SHLD2: variants seen among roughly 807,000 people sequenced by gnomAD.
SHLD2 encodes RINN1-REV7-interacting novel NHEJ regulator 2.
Under a neutral mutation model 73.2 loss-of-function variants are expected in SHLD2, and 30 were observed. The ratio of observed to expected loss-of-function variants is 0.41; its 90% CI spans 0.31 to 0.56. The LOEUF is 0.56. SHLD2 is among the 20% of genes least tolerant of loss of function. The probability of loss-of-function intolerance (pLI) is 0.28; values close to 1 mark genes in which losing one functional copy is unlikely to be tolerated. For synonymous variants in SHLD2, 285 were observed against 370.1 expected (o/e 0.77, Z 2.64); for missense variants, 745 against 1,055.9 (o/e 0.71, Z 4.08).
chr10:87,117,141 C>T (rs555854683), intron 2 of SHLD2, among the ~76,000 whole-genome samples: 5 of 152,270 alleles, frequency 3.3e-5, no homozygotes, highest in South Asian at 2.1e-4. Flanking sequence ...TAGCTGCGGC[C>T]GGGCAAGGTG....
chr10:87,185,576 T>A (rs1848568140), intron 8 of SHLD2, among the ~76,000 whole-genome samples: 1 of 152,204 alleles, frequency 6.6e-6, no homozygotes, highest in South Asian at 2.1e-4. Context: ...TGCCAGTACT[T>A]CTTATTCTGT....
chr10:87,160,191 A>G, intron 4 of SHLD2, among the ~76,000 whole-genome samples: 1 of 152,048 alleles, frequency 6.6e-6, no homozygotes, highest in Non-Finnish European at 1.5e-5. Flanking sequence ...TTCAGTATCA[A>G]TAAATATAGT....
intron 4 of SHLD2, among the ~76,000 whole-genome samples, chr10:87,160,622 A>T (rs1432349731): frequency 6.6e-6 from 1 of 152,114 alleles, no homozygotes; most frequent in Non-Finnish European, 1.5e-5. Flanking sequence ...AAAACCAGGA[A>T]AAAGATAAGG....
chr10:87,120,784 T>A (rs1254166001), intron 2 of SHLD2, among the ~76,000 whole-genome samples: 4 of 151,868 alleles, frequency 2.6e-5, no homozygotes, highest in African/African-American at 9.7e-5. Flanking sequence ...CCGGGTGCGG[T>A]GGCTCACGCC....
At chr10:87,123,569 G>A (rs1430243894) in intron 2 of SHLD2, among the ~76,000 whole-genome samples, 4 of 152,142 alleles carry the variant, frequency 2.6e-5, no homozygotes, top group Non-Finnish European at 4.4e-5. Flanking sequence ...AAGTACATTC[G>A]CATTGTTATG....
Position 87,151,437 on chromosome 10 carries a change from C to A in SHLD2, c.83C>A (p.Ser28Tyr). ...LKITVSEDTASLMSVADPWKK... is the reference protein window; with the variant it reads ...LKITVSEDTAYLMSVADPWKK... Reference sequence around the variant, plus strand: ...ATCACAGTATCAGAAGACACAGCTTCTTTAATGTCTGTTGCTGACCCCTGG... The same window carrying A: ...ATCACAGTATCAGAAGACACAGCTTATTTAATGTCTGTTGCTGACCCCTGG... Residue 28 changes from serine (S) to tyrosine (Y), a missense_variant, in exon 3 of 10, where the codon TCT becomes TAT. Coordinates refer to ENST00000298786, the MANE Select transcript of SHLD2 (RefSeq NM_001330112.2). 6.2e-7 allele frequency: 1 copy of A among 1,609,120 alleles called. No individual in the cohort carries two copies. The highest frequency in any genetic ancestry group is 8.5e-7 in the Non-Finnish European group (1 of 1,179,004).
At chr10:87,185,261 C>T (rs942849791) in intron 8 of SHLD2, among the ~76,000 whole-genome samples, 28 of 152,262 alleles carry the variant, frequency 1.8e-4, no homozygotes, top group African/African-American at 6.5e-4. Flanking sequence ...CTTTTTATTG[C>T]AAAATAATAT....
At chr10:87,142,620 G>A (rs1845274871) in intron 2 of SHLD2, among the ~76,000 whole-genome samples, 1 of 152,144 alleles carries the variant, frequency 6.6e-6, no homozygotes, top group South Asian at 2.1e-4. Context: ...TGAGAAATTG[G>A]AAGTAGAGCA....
intron 4 of SHLD2, among the ~76,000 whole-genome samples, chr10:87,164,280 T>G (rs192693823): frequency 3.4e-5 from 5 of 149,050 alleles, no homozygotes; most frequent in Non-Finnish European, 7.4e-5. Context: ...TGAGACAGGG[T>G]CTGGCTCTGT....
chr10:87,134,232 C>G (rs1339899664), intron 2 of SHLD2, among the ~76,000 whole-genome samples: 1 of 152,046 alleles, frequency 6.6e-6, no homozygotes, highest in South Asian at 2.1e-4. Context: ...CCTATAAAAG[C>G]AGGATAAGAA....
chr10:87,130,564 C>G (rs1390639042), intron 2 of SHLD2, among the ~76,000 whole-genome samples: 4 of 152,008 alleles, frequency 2.6e-5, no homozygotes, highest in African/African-American at 9.7e-5. Context: ...TTGAGCGTTT[C>G]CTAAGGAGCT....
At chr10:87,155,618 G>A (rs998039974) in intron 3 of SHLD2, among the ~76,000 whole-genome samples, 1 of 151,560 alleles carries the variant, frequency 6.6e-6, no homozygotes, top group Non-Finnish European at 1.5e-5. Context: ...GACTGTAAAA[G>A]AGGGCTGGAT....
At chr10:87,125,686 G>A (rs1346825798) in intron 2 of SHLD2, among the ~76,000 whole-genome samples, 1 of 152,080 alleles carries the variant, frequency 6.6e-6, no homozygotes, top group Non-Finnish European at 1.5e-5. Context: ...GCAGTGAGTT[G>A]AGAATGCGCC....
In SHLD2 at chr10:87,151,694, G is replaced by T. The variant is rs768018782; in HGVS notation, c.340G>T (p.Asp114Tyr). The T allele has an allele frequency of 4.3e-6, 7 of 1,611,728 alleles. No homozygotes were observed. The Admixed American group carries it at 1.0e-4, about 23-fold the overall frequency. ...SQKIHSSRLS[D>Y]ITSSNMQICG... Reference sequence around the variant, plus strand: ...GAAGATTCACTCCTCTAGACTGAGTGATATAACTAGCTCTAATATGCAAAT... The same window carrying T: ...GAAGATTCACTCCTCTAGACTGAGTTATATAACTAGCTCTAATATGCAAAT... The change falls in exon 3 of 10, where the codon GAT becomes TAT. Residue 114 changes from aspartate to tyrosine, a missense_variant. Around this residue, in one of 5 missense-constraint regions of SHLD2, gnomAD observed 280 missense variants for 353.9 expected, o/e 0.79. Coordinates refer to ENST00000298786, the MANE Select transcript of SHLD2 (RefSeq NM_001330112.2).
At chr10:87,182,291 CT>C (rs1372136545) in intron 8 of SHLD2, among the ~76,000 whole-genome samples, 2 of 152,188 alleles carry the variant, frequency 1.3e-5, no homozygotes, top group African/African-American at 4.8e-5. Context: ...CACATATGTA[CT>C]GTGGATGTTA....
intron 2 of SHLD2, among the ~76,000 whole-genome samples, chr10:87,097,299 G>A (rs538209448): frequency 1.3e-5 from 2 of 152,294 alleles, no homozygotes; most frequent in East Asian, 3.9e-4. Context: ...GGTGGCTCAC[G>A]CCTGTAATCC....
At chr10:87,103,418 G>A (rs958662327) in intron 2 of SHLD2, among the ~76,000 whole-genome samples, 2 of 152,068 alleles carry the variant, frequency 1.3e-5, no homozygotes, top group African/African-American at 2.4e-5. Flanking sequence ...GGTGGCATGC[G>A]CTTTGGTTCA....
intron 9 of SHLD2, among the ~76,000 whole-genome samples, chr10:87,188,385 C>G (rs1481572724): frequency 1.3e-5 from 2 of 152,060 alleles, no homozygotes; most frequent in African/African-American, 4.8e-5. Context: ...GTACTGGTTC[C>G]TCACCTGTAC....
chr10:87,147,333 A>AT (rs1845699522), intron 2 of SHLD2, among the ~76,000 whole-genome samples: 1 of 150,032 alleles, frequency 6.7e-6, no homozygotes, highest in Non-Finnish European at 1.5e-5. Flanking sequence ...GGTGTGTGGA[A>AT]TGGAAAGAGG....
Sources: gnomAD v4.1 joint callset for allele counts (sites outside exome capture counted in the v4.1 genomes callset) on GRCh38, gnomAD v4.1.1 for gene constraint, gnomAD v4.1.1 regional missense constraint, MANE v1.5 for transcripts, NCBI Gene and HGNC (gene_info 2026-07-23, HGNC 2026-07-21) for gene names.